CSF1R: variants seen among roughly 807,000 people sequenced by gnomAD.
The protein encoded by CSF1R is macrophage colony-stimulating factor 1 receptor.
CSF1R carries 40 observed loss-of-function variants against 110.0 expected under a neutral mutation model. The observed-to-expected ratio is 0.36, with a 90% CI of 0.28 to 0.47. CSF1R has a LOEUF of 0.47. Ranked by LOEUF, CSF1R falls within the 20% of genes least tolerant of loss-of-function variation. The pLI is 0.99. For synonymous variants in CSF1R, 523 were observed against 503.4 expected, an observed-to-expected ratio of 1.04 and a Z score of -0.52; for missense variants, 1,052 against 1,253.0, an observed-to-expected ratio of 0.84 and a Z score of 2.42.
chr5:150,068,371 C>T, intron 9 of CSF1R, 41 bp from the exon 10 acceptor site: 1 of 1,492,836 alleles, frequency 6.7e-7, no homozygotes, highest in South Asian at 1.2e-5. Context: ...GCAGGGGTGC[C>T]TCCGAGCCCC....
At chr5:150,100,060 C>T (rs1759352683) in intron 1 of CSF1R, among the ~76,000 whole-genome samples, 3 of 152,052 alleles carry the variant, frequency 2.0e-5, no homozygotes, top group South Asian at 2.1e-4. Flanking sequence ...AAATAAAGAT[C>T]GTAGTATCTG....
chr5:150,078,070 G>A, intron 4 of CSF1R, 42 bp downstream of exon 4: 1 of 1,611,242 alleles, frequency 6.2e-7, no homozygotes, highest in Non-Finnish European at 8.5e-7. Flanking sequence ...TGGTGTGCTG[G>A]GAGGATGGCC....
At chr5:150,105,541 T>A (rs1441934597) in intron 1 of CSF1R, among the ~76,000 whole-genome samples, 6 of 151,750 alleles carry the variant, frequency 4.0e-5, no homozygotes, top group African/African-American at 7.3e-5. Context: ...TCCCTTTTTT[T>A]ATAGGCAAGT....
upstream of CSF1R, among the ~76,000 whole-genome samples, chr5:150,089,298 T>G (rs1272056483): frequency 1.3e-5 from 2 of 152,242 alleles, no homozygotes; most frequent in East Asian, 3.8e-4. Flanking sequence ...ACAGATGACA[T>G]GATCCTATAT....
intron 9 of CSF1R, among the ~76,000 whole-genome samples, 180 bp downstream of exon 9, chr5:150,069,693 C>A (rs1348883510): frequency 6.6e-6 from 1 of 152,092 alleles, no homozygotes; most frequent in Admixed American, 6.5e-5. Context: ...CTTCGGGGGA[C>A]CTGCCAGGCA....
In CSF1R at chr5:150,080,224, C is replaced by T. The variant is rs2113831258; in HGVS notation, c.420G>A (p.Leu140=). 1 of 1,613,864 alleles carries T rather than the reference C, an allele frequency of 6.2e-7. No homozygotes were observed. The highest frequency in any genetic ancestry group is 8.5e-7 in the Non-Finnish European group (1 of 1,180,046). ...TGAGGGGCCGGCCACGCACACGCAC[C>T]AGCGAGACGCCTGCTTCCAGCACCG... ...TDPVLEAGVS[L]VRVRGRPLMR... The change falls in exon 3 of 21, where the codon CTG becomes CTA. Residue 140 remains leucine (L), a synonymous_variant. Transcript: ENST00000675795.
intron 19 of CSF1R, 47 bp downstream of exon 19, chr5:150,055,190 C>T (rs1035732401): frequency 1.2e-5 from 19 of 1,554,590 alleles, no homozygotes; most frequent in East Asian, 4.5e-5. Flanking sequence ...CCCTTTCCAG[C>T]GAAAGCCTGG....
At chr5:150,058,885 T>C (rs1757371540) in intron 14 of CSF1R, among the ~76,000 whole-genome samples, 1 of 151,996 alleles carries the variant, frequency 6.6e-6, no homozygotes, top group Non-Finnish European at 1.5e-5. Flanking sequence ...GGACTGGAAG[T>C]CAAGAGAGCA....
chr5:150,086,487 T>A lies in CSF1R; in HGVS notation c.-60A>T. ...CTGCAAGGTGCCCAGGGCACAGAGC[T>A]CTCAGCTACTAGCTCCGCAGGGATC... On this transcript the variant is annotated 5_prime_UTR_variant, in exon 1 of 21. Coordinates refer to ENST00000675795, the MANE Select transcript of CSF1R (RefSeq NM_001288705.3). 1 of 1,519,714 alleles carries A rather than the reference T, an allele frequency of 6.6e-7. No individual in the cohort carries two copies. The highest frequency in any genetic ancestry group is 9.0e-7 in the Non-Finnish European group (1 of 1,107,468). The allele number at this position is 1,519,714 out of a possible 1,614,324, so 94.1% of individuals were successfully genotyped here.
upstream of CSF1R, among the ~76,000 whole-genome samples, chr5:150,089,977 G>T (rs1430434566): frequency 4.6e-5 from 7 of 152,112 alleles, no homozygotes; most frequent in Admixed American, 1.3e-4. Context: ...ATAGTCACAT[G>T]CAGAAGAATG....
At chr5:150,060,426 G>C (rs1433789614) in intron 13 of CSF1R, among the ~76,000 whole-genome samples, 1 of 152,140 alleles carries the variant, frequency 6.6e-6, no homozygotes, top group African/African-American at 2.4e-5. Context: ...GCTCACTGTA[G>C]GTCAGAGCTG....
At chr5:150,063,304 G>A (rs996709187) in intron 10 of CSF1R, among the ~76,000 whole-genome samples, 11 of 152,090 alleles carry the variant, frequency 7.2e-5, no homozygotes, top group African/African-American at 2.4e-4. Context: ...ACCATGCCTG[G>A]CCGGGCAGTG....
At chr5:150,055,795 C>T (rs899371281) in intron 18 of CSF1R, among the ~76,000 whole-genome samples, 8 of 152,244 alleles carry the variant, frequency 5.3e-5, no homozygotes, top group African/African-American at 1.9e-4. Context: ...TAACAGGTAA[C>T]AGCAACTGAG....
chr5:150,055,644 G>A (rs567917994), intron 18 of CSF1R, among the ~76,000 whole-genome samples: 1 of 152,330 alleles, frequency 6.6e-6, no homozygotes, highest in East Asian at 1.9e-4. Context: ...TAGGAGCAGC[G>A]TATTTAAGAA....
chr5:150,101,938 C>A (rs1759417472), intron 1 of CSF1R, among the ~76,000 whole-genome samples: 1 of 152,134 alleles, frequency 6.6e-6, no homozygotes, highest in Non-Finnish European at 1.5e-5. Context: ...TCTTAGAAAT[C>A]TTTCCATATT....
intron 1 of CSF1R, among the ~76,000 whole-genome samples, chr5:150,085,081 C>T (rs1758777250): frequency 6.6e-6 from 1 of 151,996 alleles, no homozygotes; most frequent in South Asian, 2.1e-4. Flanking sequence ...GAGTTCGAGA[C>T]CAGCTTGGCC....
intron 13 of CSF1R, 106 bp from the exon 14 acceptor site, chr5:150,059,968 A>AT: frequency 2.3e-6 from 3 of 1,276,800 alleles, no homozygotes; most frequent in Non-Finnish European, 3.2e-6. Flanking sequence ...GACTCAGCAT[A>AT]GCTGAGTTCT....
chr5:150,059,170 G>A (rs1232861726), intron 14 of CSF1R, among the ~76,000 whole-genome samples: 4 of 151,910 alleles, frequency 2.6e-5, no homozygotes, highest in East Asian at 1.9e-4. Flanking sequence ...TCAGCCTCCC[G>A]AGTAGCTGGG....
chr5:150,073,514 G>T (rs115153750), intron 5 of CSF1R, 21 bp from the exon 6 acceptor site: 27 of 1,603,730 alleles, frequency 1.7e-5, no homozygotes, highest in Non-Finnish European at 2.2e-5. Flanking sequence ...GAACACACAA[G>T]CATCTGGCAT....
Sources: allele counts gnomAD v4.1 joint callset (sites outside exome capture counted in the v4.1 genomes callset), GRCh38; gene constraint gnomAD v4.1.1; transcripts MANE v1.5; gene names NCBI Gene and HGNC (gene_info 2026-07-23, HGNC 2026-07-21).